TBC1D1: variants seen among roughly 807,000 people sequenced by gnomAD.
TBC1D1 encodes the protein TBC1 domain family member 1, also known as TBC1 (tre-2/USP6, BUB2, cdc16) domain family, member 1.
Under a neutral mutation model 125.6 loss-of-function variants are expected in TBC1D1, and 89 were observed. The observed-to-expected ratio is 0.71, with a 90% CI of 0.60 to 0.85. TBC1D1 has a LOEUF of 0.85. Ranked by LOEUF, TBC1D1 falls within the 40% of genes least tolerant of loss-of-function variation. The probability of loss-of-function intolerance (pLI) is 0.00; values close to 1 mark genes in which losing one functional copy is unlikely to be tolerated. For missense variants in TBC1D1, 1,377 were observed against 1,469.2 expected, an observed-to-expected ratio of 0.94 and a Z score of 1.03; for synonymous variants, 565 against 564.1, an observed-to-expected ratio of 1.00 and a Z score of -0.02.
intron 10 of TBC1D1, among the ~76,000 whole-genome samples, chr4:38,048,772 A>G (rs996458137): frequency 6.6e-6 from 1 of 152,298 alleles, no homozygotes; most frequent in Non-Finnish European, 1.5e-5. Context: ...ATTGGCCACT[A>G]GCCACGTCCT....
At chr4:37,943,467 G>A (rs1577972288) in intron 2 of TBC1D1, among the ~76,000 whole-genome samples, 1 of 152,268 alleles carries the variant, frequency 6.6e-6, no homozygotes, top group South Asian at 2.1e-4. Flanking sequence ...TCACTTTCCA[G>A]TACACCAATC....
chr4:38,034,270 T>C (rs936560284), intron 7 of TBC1D1, among the ~76,000 whole-genome samples: 3 of 152,232 alleles, frequency 2.0e-5, no homozygotes, highest in Non-Finnish European at 4.4e-5. Context: ...GAAATCCACT[T>C]TTTGCATATA....
At chr4:37,905,094 T>A (rs1389670362) in intron 2 of TBC1D1, among the ~76,000 whole-genome samples, 1 of 152,258 alleles carries the variant, frequency 6.6e-6, no homozygotes, top group African/African-American at 2.4e-5. Context: ...GACCAGCATC[T>A]AATTAATTCA....
chr4:37,921,383 AATAC>A (rs1294788110), intron 2 of TBC1D1, among the ~76,000 whole-genome samples: 6 of 149,618 alleles, frequency 4.0e-5, no homozygotes, highest in Non-Finnish European at 7.4e-5. Context: ...TTATATACAT[AATAC>A]ATATATATAC....
chr4:38,116,096 CATT>C, intron 16 of TBC1D1, 142 bp downstream of exon 18: 1 of 874,544 alleles, frequency 1.1e-6, no homozygotes, highest in Non-Finnish European at 1.7e-6. Flanking sequence ...CTGTGCTAGG[CATT>C]ATTCCAAGCG....
chr4:37,946,367 G>A (rs976849291), intron 2 of TBC1D1, among the ~76,000 whole-genome samples: 2 of 152,198 alleles, frequency 1.3e-5, no homozygotes. Flanking sequence ...ATAAATGTTT[G>A]AGGTGATGGA....
At chr4:38,078,797 C>T (rs1446267724) in intron 12 of TBC1D1, among the ~76,000 whole-genome samples, 4 of 152,164 alleles carry the variant, frequency 2.6e-5, no homozygotes, top group Non-Finnish European at 5.9e-5. Context: ...TAGAGCAGCC[C>T]GAGCTCCATT....
chr4:37,911,325 C>G (rs533531652), intron 2 of TBC1D1, among the ~76,000 whole-genome samples: 2 of 152,248 alleles, frequency 1.3e-5, no homozygotes, highest in South Asian at 4.1e-4. Flanking sequence ...GAATACCTTT[C>G]CTCCCTTTGG....
At chr4:38,021,757 G>A (rs563021169) in intron 6 of TBC1D1, 39 bp downstream of exon 6, 6 of 1,474,896 alleles carry the variant, frequency 4.1e-6, no homozygotes, top group East Asian at 2.5e-5. Context: ...CACAGTGGGA[G>A]TTAAAGGTCC....
intron 11 of TBC1D1, 47 bp from the exon 12 acceptor site, chr4:38,051,852 C>G: frequency 6.6e-7 from 1 of 1,525,338 alleles, no homozygotes; most frequent in Non-Finnish European, 8.8e-7. Context: ...CCTGTCGGCG[C>G]CCCCTCTCCT....
chr4:37,920,282 A>G (rs983162836), intron 2 of TBC1D1, among the ~76,000 whole-genome samples: 5 of 152,178 alleles, frequency 3.3e-5, no homozygotes, highest in Admixed American at 3.3e-4. Flanking sequence ...CAGGTGCTTC[A>G]ATGTCATCTC....
intron 19 of TBC1D1, among the ~76,000 whole-genome samples, chr4:38,133,907 C>G (rs181021085): frequency 3.3e-5 from 5 of 152,294 alleles, no homozygotes; most frequent in Non-Finnish European, 5.9e-5. Flanking sequence ...GCATCACCCC[C>G]ACCCCCACAT....
intron 12 of TBC1D1, among the ~76,000 whole-genome samples, chr4:38,087,591 T>C (rs1397600270): frequency 6.6e-6 from 1 of 151,958 alleles, no homozygotes; most frequent in Non-Finnish European, 1.5e-5. Context: ...CCTGTAATTC[T>C]AGCACTTTGG....
chr4:37,903,787 A>C (rs1458052232), intron 2 of TBC1D1, among the ~76,000 whole-genome samples: 1 of 152,200 alleles, frequency 6.6e-6, no homozygotes, highest in Non-Finnish European at 1.5e-5. Context: ...CAGGAGCATC[A>C]GTGGGGAATA....
intron 14 of TBC1D1, among the ~76,000 whole-genome samples, chr4:38,097,337 T>TG (rs1402951509): frequency 2.2e-5 from 3 of 138,998 alleles, no homozygotes; most frequent in South Asian, 4.9e-4. Flanking sequence ...TAATTTTTTG[T>TG]GGGTTTTTTT....
chr4:37,914,062 C>A (rs532079744), intron 2 of TBC1D1, among the ~76,000 whole-genome samples: 4 of 152,186 alleles, frequency 2.6e-5, no homozygotes, highest in Admixed American at 6.5e-5. Flanking sequence ...TTGCTTCTAC[C>A]TCTTCTTCTC....
At chr4:37,969,382 G>A (rs767888240) in intron 2 of TBC1D1, among the ~76,000 whole-genome samples, 15 of 152,116 alleles carry the variant, frequency 9.9e-5, no homozygotes, top group Non-Finnish European at 2.2e-4. Context: ...CGCTCTTGTC[G>A]CCCAGTCTGG....
At chr4:37,969,117 T>C (rs1731578418) in intron 2 of TBC1D1, among the ~76,000 whole-genome samples, 1 of 152,244 alleles carries the variant, frequency 6.6e-6, no homozygotes, top group Non-Finnish European at 1.5e-5. Flanking sequence ...CAATCCCTTC[T>C]CTGATCTTAA....
rs918894383 is a variant in TBC1D1, at chr4:38,014,124, T to G, written c.418-385T>G. Among the ~76,000 whole-genome samples, 3 of 152,170 alleles carry G rather than the reference T, an allele frequency of 2.0e-5. No homozygotes were observed. Among genetic ancestry groups the G allele is most frequent in the Non-Finnish European group, 4.4e-5 (3 of 68,030 alleles). ...CAGACTTCTCTGGGAGGCGACAGCT[T>G]CTCCAGAGGAGGCCTTTAGCTTTGG... On this transcript the variant is annotated intron_variant, in intron 2 of 19. Transcript: ENST00000261439. The surrounding 1 kb of genome is among the most constrained non-coding windows in gnomAD (Gnocchi z 5.1).
Sources: gnomAD v4.1 joint callset for allele counts (sites outside exome capture counted in the v4.1 genomes callset) on GRCh38, gnomAD v4.1.1 for gene constraint, Gnocchi (gnomAD v3.1) non-coding constraint, MANE v1.5 for transcripts, NCBI Gene and HGNC (gene_info 2026-07-23, HGNC 2026-07-21) for gene names.